RFTN2: variants seen among roughly 807,000 people sequenced by gnomAD.
The protein encoded by RFTN2 is raftlin family member 2.
A neutral mutation model predicts 52.7 loss-of-function variants in RFTN2; 34 were observed. The ratio of observed to expected loss-of-function variants is 0.64; its 90% CI spans 0.49 to 0.86. The LOEUF (loss-of-function observed/expected upper bound fraction) is 0.86, where lower values mean the gene tolerates loss of function less well. Ranked by LOEUF, RFTN2 falls within the 40% of genes least tolerant of loss-of-function variation. The pLI, the probability that RFTN2 is intolerant of heterozygous loss-of-function variation, is 0.00. For missense variants in RFTN2, 536 were observed against 600.1 expected (o/e 0.89, Z 1.12); for synonymous variants, 203 against 217.7 (o/e 0.93, Z 0.59).
intron 8 of RFTN2, among the ~76,000 whole-genome samples, chr2:197,578,775 C>T (rs1235113338): frequency 6.6e-6 from 1 of 152,224 alleles, no homozygotes; most frequent in Non-Finnish European, 1.5e-5. Flanking sequence ...ATGCGCATGA[C>T]ATTTGGTGCC....
chr2:197,570,436 TATTATATG>T lies in RFTN2; in HGVS notation c.*1564_*1571del, dbSNP rs1295103094. On this transcript the variant is annotated 3_prime_UTR_variant, in exon 9 of 9. Transcript: ENST00000295049. Reference sequence around the variant, plus strand: ...ACATATCTGTTATATGTATAAAACATATTATATGAAGGCCAGGCATGGTGGCTCACGCC... The same window carrying T: ...ACATATCTGTTATATGTATAAAACATAAGGCCAGGCATGGTGGCTCACGCC... The T allele has an allele frequency of 3.3e-5, 5 of 152,160 alleles. No individual in the cohort carries two copies. Among genetic ancestry groups the T allele is most frequent in the Non-Finnish European group, 7.3e-5 (5 of 68,030 alleles). The allele number at this position is 152,160 out of a possible 1,614,324, so 9.4% of individuals were successfully genotyped here. A position where few individuals can be genotyped will look rare whatever the true frequency, so the allele number is the denominator to read the frequency against.
chr2:197,592,803 T>C (rs2106184324), intron 8 of RFTN2, among the ~76,000 whole-genome samples: 1 of 152,342 alleles, frequency 6.6e-6, no homozygotes, highest in South Asian at 2.1e-4. Context: ...TCACAAAATA[T>C]ATATGAGATA....
intron 3 of RFTN2, among the ~76,000 whole-genome samples, chr2:197,639,834 A>C (rs368406279): frequency 0.18 from 24,949 of 139,792 alleles, 1,803 homozygotes; most frequent in Middle Eastern, 0.25. Flanking sequence ...TAGAGTTTCC[A>C]GTTTTTCTGT....
intron 5 of RFTN2, among the ~76,000 whole-genome samples, chr2:197,625,874 C>A (rs1367346809): frequency 2.0e-5 from 3 of 149,236 alleles, no homozygotes; most frequent in Non-Finnish European, 3.0e-5. Flanking sequence ...TCACTGCAAC[C>A]TCCACCTCCC....
chr2:197,611,856 C>A (rs546983248), intron 7 of RFTN2, among the ~76,000 whole-genome samples: 14 of 152,094 alleles, frequency 9.2e-5, no homozygotes, highest in Non-Finnish European at 2.1e-4. Context: ...TTTCTGCCTT[C>A]GTTTTGTTAT....
At chr2:197,637,576 T>C (rs796790104) in intron 3 of RFTN2, among the ~76,000 whole-genome samples, 113 of 152,258 alleles carry the variant, frequency 7.4e-4, no homozygotes, top group South Asian at 5.0e-3. Flanking sequence ...TCTGTGGGAT[T>C]GGTGGTGATA....
chr2:197,668,692 T>G (rs571838476), intron 1 of RFTN2, among the ~76,000 whole-genome samples: 1 of 152,298 alleles, frequency 6.6e-6, no homozygotes, highest in South Asian at 2.1e-4. Context: ...CTAGCATCAC[T>G]AGATCTAGGA....
chr2:197,625,378 T>C (rs1168010749), intron 5 of RFTN2, among the ~76,000 whole-genome samples: 2 of 152,188 alleles, frequency 1.3e-5, no homozygotes, highest in Admixed American at 6.5e-5. Flanking sequence ...GGATATGATA[T>C]TGACATTCCT....
At chr2:197,604,874 C>A (rs2087934598) in intron 7 of RFTN2, among the ~76,000 whole-genome samples, 1 of 152,280 alleles carries the variant, frequency 6.6e-6, no homozygotes, top group African/African-American at 2.4e-5. Flanking sequence ...GATTCTCATG[C>A]CTCAGCCTCC....
chr2:197,640,423 G>C (rs548711186), intron 3 of RFTN2, among the ~76,000 whole-genome samples: 3 of 152,380 alleles, frequency 2.0e-5, no homozygotes, highest in African/African-American at 7.2e-5. Flanking sequence ...CCAGGTGCCG[G>C]ATATAATCTC....
intron 3 of RFTN2, among the ~76,000 whole-genome samples, chr2:197,637,223 C>A (rs977958197): frequency 6.6e-6 from 1 of 151,490 alleles, no homozygotes; most frequent in East Asian, 1.9e-4. Context: ...TGTCTCTGCC[C>A]GGCTTTGGTA....
At chr2:197,654,967 A>T (rs1327989258) in intron 1 of RFTN2, among the ~76,000 whole-genome samples, 1 of 152,192 alleles carries the variant, frequency 6.6e-6, no homozygotes, top group African/African-American at 2.4e-5. Context: ...ACTGCACTCC[A>T]GCCTGGCCAC....
At position 197,624,597 on chromosome 2, in the gene RFTN2, C is replaced by CAA. The variant is rs746144794; in HGVS notation, c.928+6412_928+6413dup. The stretch of plus-strand genomic sequence containing the variant: ...TGGGCGACAGAGCGAGACTCTGTCT[C>CAA]AAAAAAAAAAAAAAAAAAAAAAAAG... On this transcript the variant is annotated intron_variant, in intron 5 of 8. Coordinates refer to ENST00000295049, the MANE Select transcript of RFTN2 (RefSeq NM_144629.3). Among the ~76,000 whole-genome samples the CAA allele has an allele frequency of 2.6e-3, 153 of 57,886 alleles. 1 individual carries two copies. The highest frequency in any genetic ancestry group is 0.018 in the Middle Eastern group (1 of 56). 38.0% of individuals were successfully genotyped at this position (57,886 alleles called of 152,430 possible).
At chr2:197,673,344 G>A (rs1185439873) in intron 1 of RFTN2, among the ~76,000 whole-genome samples, 1 of 152,158 alleles carries the variant, frequency 6.6e-6, no homozygotes, top group African/African-American at 2.4e-5. Context: ...CAACAGAAGA[G>A]CAGCAGGGAA....
intron 5 of RFTN2, among the ~76,000 whole-genome samples, chr2:197,625,670 TCTC>T (rs1357833209): frequency 1.2e-5 from 1 of 85,122 alleles, no homozygotes; most frequent in Non-Finnish European, 2.5e-5. Flanking sequence ...TCCTCTCTCC[TCTC>T]CTCTCCTCTC....
At chr2:197,648,876 C>T (rs1378905585) in intron 1 of RFTN2, among the ~76,000 whole-genome samples, 1 of 152,204 alleles carries the variant, frequency 6.6e-6, no homozygotes, top group Non-Finnish European at 1.5e-5. Context: ...TTCCTCTGGG[C>T]TGCATGTCCT....
intron 3 of RFTN2, among the ~76,000 whole-genome samples, chr2:197,640,377 A>T (rs894309833): frequency 6.6e-6 from 1 of 152,178 alleles, no homozygotes; most frequent in African/African-American, 2.4e-5. Flanking sequence ...CTGTGCTAGC[A>T]ATCAGCGAGA....
chr2:197,619,686 GTCCTGTGACCCTGCCAAATCCCCC>G (rs2088224608), intron 5 of RFTN2, among the ~76,000 whole-genome samples: 1 of 145,632 alleles, frequency 6.9e-6, no homozygotes, highest in Non-Finnish European at 1.5e-5. Context: ...CTCCACTATT[GTCCTGTGACCCTGCCAAATCCCCC>G]TCTGCGAGAA....
intron 8 of RFTN2, among the ~76,000 whole-genome samples, chr2:197,584,283 C>T (rs1249057399): frequency 6.6e-6 from 1 of 152,190 alleles, no homozygotes; most frequent in Non-Finnish European, 1.5e-5. Flanking sequence ...TCCTCTCCAG[C>T]ACCTGTTGTT....
Sources: allele counts gnomAD v4.1 joint callset (sites outside exome capture counted in the v4.1 genomes callset), GRCh38; gene constraint gnomAD v4.1.1; transcripts MANE v1.5; gene names NCBI Gene and HGNC (gene_info 2026-07-23, HGNC 2026-07-21).